RAD52: variants seen among roughly 807,000 people sequenced by gnomAD.
The protein encoded by RAD52 is DNA repair protein RAD52 homolog.
A neutral mutation model predicts 55.5 loss-of-function variants in RAD52; 47 were observed. That is an observed-to-expected ratio of 0.85 (90% CI 0.67 to 1.08). The LOEUF (loss-of-function observed/expected upper bound fraction) is 1.08, where lower values mean the gene tolerates loss of function less well. RAD52 is among the 50% of genes least tolerant of loss of function. RAD52 has a pLI of 0.00. For synonymous variants in RAD52, 184 were observed against 198.9 expected (o/e 0.92, Z 0.63); for missense variants, 468 against 522.8 (o/e 0.90, Z 1.02).
intron 3 of RAD52, among the ~76,000 whole-genome samples, chr12:930,963 C>T (rs1957295016): frequency 7.1e-6 from 1 of 139,882 alleles, no homozygotes; most frequent in Non-Finnish European, 1.6e-5. Context: ...AGAGCAAGAC[C>T]CTGTCTTTAA....
At chr12:927,815 G>A (rs1404226419) in intron 5 of RAD52, among the ~76,000 whole-genome samples, 2 of 151,862 alleles carry the variant, frequency 1.3e-5, no homozygotes, top group Non-Finnish European at 2.9e-5. Context: ...GCAGTGAGCC[G>A]AGATTGCACC....
In RAD52 at chr12:941,856, C is replaced by T. The variant is rs529562636; in HGVS notation, c.-19+7746G>A. Among the ~76,000 whole-genome samples, 27 of 152,174 alleles carry T rather than the reference C, an allele frequency of 1.8e-4. No homozygotes were observed. The South Asian group carries it at 4.2e-3, about 23-fold the overall frequency. On this transcript the variant is annotated intron_variant, in intron 1 of 11. Transcript: ENST00000358495. ...TTCACCATGTTGGCCAGGCTGGTCT[C>T]GAACTCCTGACCTCAGCTGATCTGC...
Position 930,154 on chromosome 12 carries a change from C to T in RAD52, c.187-10G>A. On this transcript the variant is annotated splice_polypyrimidine_tract_variant and intron_variant, in intron 3 of 11. Coordinates refer to ENST00000358495, the MANE Select transcript of RAD52 (RefSeq NM_134424.4). ...CCTCAATGTAGCACACCTAGAAAAA[C>T]AAATGTTTTTAAGGAAAAGCTGTGT... The T allele has an allele frequency of 6.3e-7, 1 of 1,594,950 alleles. No homozygotes were observed. The highest frequency in any genetic ancestry group is 1.3e-5 in the African/African-American group (1 of 74,546).
intron 6 of RAD52, among the ~76,000 whole-genome samples, chr12:925,981 A>G (rs548168124): frequency 5.1e-4 from 77 of 152,260 alleles, no homozygotes; most frequent in African/African-American, 1.8e-3. Flanking sequence ...CAGAACTCAT[A>G]GGTTTTTCTG....
At chr12:930,008 G>C (rs939668320) in intron 4 of RAD52, 43 bp downstream of exon 4, 1 of 1,590,964 alleles carries the variant, frequency 6.3e-7, no homozygotes, top group African/African-American at 1.3e-5. Flanking sequence ...TTCAGCAGGA[G>C]CTGGACAGTG....
At chr12:956,839 G>A (rs866049931) in intron 1 of RAD52, among the ~76,000 whole-genome samples, 30 of 152,070 alleles carry the variant, frequency 2.0e-4, no homozygotes, top group African/African-American at 7.2e-4. Flanking sequence ...GAGCCACCGC[G>A]CCTGGCCCCA....
intron 1 of RAD52, among the ~76,000 whole-genome samples, chr12:942,552 A>G (rs1957974999): frequency 6.6e-6 from 1 of 152,114 alleles, no homozygotes; most frequent in African/African-American, 2.4e-5. Flanking sequence ...TTCAAGACCA[A>G]CCTGGCCAAC....
At chr12:979,914 G>T (rs531351587) in intron 1 of RAD52, among the ~76,000 whole-genome samples, 21 of 152,246 alleles carry the variant, frequency 1.4e-4, no homozygotes, top group African/African-American at 4.8e-4. Context: ...AGGCGTGGTG[G>T]CAGGCACCTG....
At chr12:961,207 G>A (rs75365154) in intron 1 of RAD52, among the ~76,000 whole-genome samples, 1 of 150,804 alleles carries the variant, frequency 6.6e-6, no homozygotes, top group Non-Finnish European at 1.5e-5. Context: ...CTACTTGGGA[G>A]GCTGAGGCAG....
intron 1 of RAD52, among the ~76,000 whole-genome samples, chr12:968,177 T>C (rs573089249): frequency 4.6e-5 from 7 of 152,144 alleles, no homozygotes; most frequent in Non-Finnish European, 8.8e-5. Flanking sequence ...ATTAAGTTTA[T>C]CAGAACTCTG....
At chr12:963,064 C>A (rs1192210587) in intron 1 of RAD52, among the ~76,000 whole-genome samples, 1 of 151,996 alleles carries the variant, frequency 6.6e-6, no homozygotes, top group Non-Finnish European at 1.5e-5. Flanking sequence ...CTAATTCTTA[C>A]TAGATTTAAG....
intron 1 of RAD52, among the ~76,000 whole-genome samples, chr12:940,549 G>A (rs1957868257): frequency 6.6e-6 from 1 of 152,012 alleles, no homozygotes; most frequent in African/African-American, 2.4e-5. Context: ...GTGAGCAGAG[G>A]TTGCAGTGAG....
At chr12:929,658 C>T (rs1957221744) in intron 5 of RAD52, 161 bp downstream of exon 5, 1 of 801,874 alleles carries the variant, frequency 1.2e-6, no homozygotes. Context: ...TTTTAGGGAG[C>T]ACATGAGCAA....
chr12:948,757 T>C (rs1349297140), intron 1 of RAD52, among the ~76,000 whole-genome samples: 5 of 150,094 alleles, frequency 3.3e-5, no homozygotes, highest in Admixed American at 6.7e-5. Context: ...TGGAGTGCAG[T>C]GGTGCGATGT....
chr12:968,136 A>G (rs1958795513), intron 1 of RAD52, among the ~76,000 whole-genome samples: 1 of 152,166 alleles, frequency 6.6e-6, no homozygotes, highest in South Asian at 2.1e-4. Flanking sequence ...CCTCCATAAA[A>G]GCAAGTACAA....
intron 1 of RAD52, among the ~76,000 whole-genome samples, chr12:941,506 C>G (rs999687047): frequency 6.6e-6 from 1 of 152,028 alleles, no homozygotes; most frequent in African/African-American, 2.4e-5. Context: ...TTCGTAGAGA[C>G]AGGGTTTCTC....
chr12:951,131 G>T (rs1180618602), upstream of RAD52, among the ~76,000 whole-genome samples: 1 of 152,028 alleles, frequency 6.6e-6, no homozygotes, highest in Non-Finnish European at 1.5e-5. Flanking sequence ...AAGAGTCAGG[G>T]TCTCAAGCTA....
upstream of RAD52, among the ~76,000 whole-genome samples, chr12:953,527 G>A (rs1331474269): frequency 6.6e-6 from 1 of 152,090 alleles, no homozygotes; most frequent in Non-Finnish European, 1.5e-5. Flanking sequence ...CCACTCCTGT[G>A]TACAAAAAGT....
In RAD52 at chr12:989,818, C is replaced by T. The variant is rs552911864; in HGVS notation, c.-28G>A. 2.6e-5 allele frequency: 4 copies of T among 152,312 alleles called. 1 individual carries two copies. The South Asian group carries it at 8.3e-4, about 32-fold the overall frequency. The allele number at this position is 152,312 out of a possible 1,614,324, so 9.4% of individuals were successfully genotyped here. ...TTGAATTTTCTCTTACCTTACCACA[C>T]TGCTAGGGAGTAACAAGATGGGCAG... On this transcript the variant is annotated 5_prime_UTR_variant, in exon 1 of 12. Coordinates refer to the RAD52 transcript ENST00000430095.
Sources: gnomAD v4.1 joint callset for allele counts (sites outside exome capture counted in the v4.1 genomes callset) on GRCh38, gnomAD v4.1.1 for gene constraint, MANE v1.5 for transcripts, NCBI Gene and HGNC (gene_info 2026-07-23, HGNC 2026-07-21) for gene names.